TP53BP1: variants seen among roughly 807,000 people sequenced by gnomAD.
TP53BP1 encodes the protein tumor protein p53 binding protein 1.
Under a neutral mutation model 200.8 loss-of-function variants are expected in TP53BP1, and 61 were observed. The ratio of observed to expected loss-of-function variants is 0.30; its 90% confidence interval spans 0.25 to 0.38. The LOEUF is 0.38. Among genes scored for constraint, TP53BP1 ranks in the 10% least tolerant of loss-of-function variants. TP53BP1 has a pLI of 1.00. For synonymous variants in TP53BP1, 822 were observed against 844.3 expected (o/e 0.97, Z 0.46); for missense variants, 2,144 against 2,371.9 (o/e 0.90, Z 2.00).
intron 18 of TP53BP1, among the ~76,000 whole-genome samples, chr15:43,426,457 A>G (rs1208425299): frequency 6.6e-6 from 1 of 151,524 alleles, no homozygotes; most frequent in East Asian, 1.9e-4. Flanking sequence ...AAAAAAAAAA[A>G]AAAGGAATAA....
At chr15:43,438,255 T>A in intron 16 of TP53BP1, 69 bp downstream of exon 16, 3 of 1,370,010 alleles carry the variant, frequency 2.2e-6, no homozygotes, top group Non-Finnish European at 3.1e-6. Context: ...ACAGTACATA[T>A]TAGGATTTGG....
rs146896509 is a variant in TP53BP1 at position 43,492,361 on chromosome 15, C to T, written c.115G>A (p.Asp39Asn). The T allele has an allele frequency of 2.4e-5, 38 of 1,614,100 alleles. No homozygotes were observed. The East Asian group carries it at 8.2e-4, about 35-fold the overall frequency. ...DSQPESQVLEDDSGSHFSMLS... is the reference protein window; with the variant it reads ...DSQPESQVLENDSGSHFSMLS... ...ATACTGAAGTGAGAACCAGAATCATCCTCTAGAACCTGGCTTTCAGGCTGA... is the reference window on the plus strand; with the variant it reads ...ATACTGAAGTGAGAACCAGAATCATTCTCTAGAACCTGGCTTTCAGGCTGA... Residue 39 changes from aspartate to asparagine, a missense_variant, in exon 2 of 28, where the codon GAT (aspartate) becomes AAT (asparagine). Coordinates refer to ENST00000382044, the MANE Select transcript of TP53BP1 (RefSeq NM_001141980.3).
chr15:43,496,453 C>G (rs943417375), upstream of TP53BP1, among the ~76,000 whole-genome samples: 1 of 152,096 alleles, frequency 6.6e-6, no homozygotes, highest in Non-Finnish European at 1.5e-5. Flanking sequence ...ACTTCTTAAG[C>G]AAAAGAACCC....
rs909844846 is a variant in TP53BP1 at position 43,407,308 on chromosome 15, C to A, written c.*75G>T. The A allele has an allele frequency of 3.0e-6, 4 of 1,320,454 alleles. No homozygotes were observed. Among genetic ancestry groups the A allele is most frequent in the South Asian group, 2.6e-5 (2 of 76,668 alleles). The allele number at this position is 1,320,454 out of a possible 1,614,324, so 81.8% of individuals were successfully genotyped here. On this transcript the variant is annotated 3_prime_UTR_variant, in exon 28 of 28. Transcript: ENST00000382044. Reference sequence around the variant, plus strand: ...TCCATGCAAGGAATCCAGTTACACACAAGACACATTTAAAACCTGGTTAAA... The same window carrying A: ...TCCATGCAAGGAATCCAGTTACACAAAAGACACATTTAAAACCTGGTTAAA...
upstream of TP53BP1, chr15:43,493,197 C>A: frequency 6.8e-7 from 1 of 1,460,726 alleles, no homozygotes; most frequent in Admixed American, 2.3e-5. Context: ...ATCGTCCATT[C>A]GCTGCCGCCG....
At position 43,457,191 on chromosome 15, in the gene TP53BP1, C is replaced by G. The variant is rs1269831238; in HGVS notation, c.1417G>C (p.Glu473Gln). ...HDIFIPSPSL[E>Q]EQSNDGKKDG... ...TTCTTCCCATCATTTGATTGTTCTT[C>G]CAGACTTGGGGAAGGAATAAAAATG... The change falls in exon 12 of 28, where the codon GAA (glutamate) becomes CAA (glutamine). Residue 473 changes from glutamate to glutamine, a missense_variant. Physicochemically the swap from Glu to Gln is conservative, Grantham distance 29 (BLOSUM62 2). Coordinates refer to ENST00000382044, the MANE Select transcript of TP53BP1 (RefSeq NM_001141980.3). 1 of 1,610,898 alleles carries G rather than the reference C, an allele frequency of 6.2e-7. No individual in the cohort carries two copies. The highest frequency in any genetic ancestry group is 1.7e-5 in the Admixed American group (1 of 59,668).
At chr15:43,447,756 G>A (rs886789347) in intron 12 of TP53BP1, among the ~76,000 whole-genome samples, 14 of 152,040 alleles carry the variant, frequency 9.2e-5, no homozygotes, top group African/African-American at 3.1e-4. Flanking sequence ...CCCGAAGTCT[G>A]CAAGACCTGA....
chr15:43,409,916 A>C, intron 24 of TP53BP1, 175 bp from the exon 25 acceptor site: 1 of 387,320 alleles, frequency 2.6e-6, no homozygotes. Context: ...GGCCTTTAAA[A>C]TGCTGCCAAA....
chr15:43,444,003 G>A (rs1204291121), intron 14 of TP53BP1, among the ~76,000 whole-genome samples: 5 of 152,156 alleles, frequency 3.3e-5, no homozygotes, highest in African/African-American at 1.2e-4. Context: ...GCACTTAATA[G>A]TCCAACCTAG....
chr15:43,467,476 A>G (rs2046613284), intron 11 of TP53BP1, among the ~76,000 whole-genome samples: 1 of 152,166 alleles, frequency 6.6e-6, no homozygotes, highest in Non-Finnish European at 1.5e-5. Flanking sequence ...GGTTCCAAGA[A>G]TCTCTGAACT....
chr15:43,460,686 C>T (rs1318637623), intron 11 of TP53BP1, among the ~76,000 whole-genome samples: 1 of 152,064 alleles, frequency 6.6e-6, no homozygotes, highest in Non-Finnish European at 1.5e-5. Context: ...AACAATGATC[C>T]TAAGTTTGAA....
At chr15:43,500,591 G>C (rs1283017671) in intron 1 of TP53BP1, among the ~76,000 whole-genome samples, 4 of 151,804 alleles carry the variant, frequency 2.6e-5, no homozygotes, top group Non-Finnish European at 4.4e-5. Flanking sequence ...AGGCTGAGGT[G>C]GGTGGACCAC....
rs2045269160 is a variant in TP53BP1 at position 43,416,514 on chromosome 15, T to G, written c.4682-98A>C. On this transcript the variant is annotated intron_variant, in intron 21 of 27. Transcript: ENST00000382044. Reference sequence around the variant, plus strand: ...TAAAGCAGGCCTGAGTTAGGGAATTTAGAGATCCAACAGTGGACTGAAGTT... The same window carrying G: ...TAAAGCAGGCCTGAGTTAGGGAATTGAGAGATCCAACAGTGGACTGAAGTT... The G allele has an allele frequency of 2.4e-5, 28 of 1,189,878 alleles. 1 individual carries two copies. In the South Asian group the frequency reaches 4.2e-4, roughly 18 times the overall value. The allele number at this position is 1,189,878 out of a possible 1,614,324, so 73.7% of individuals were successfully genotyped here.
At chr15:43,450,934 G>C (rs1165777345) in intron 12 of TP53BP1, among the ~76,000 whole-genome samples, 2 of 152,128 alleles carry the variant, frequency 1.3e-5, no homozygotes, top group Admixed American at 1.3e-4. Flanking sequence ...AAGTGCAGTG[G>C]TGCAATCTCA....
At chr15:43,467,805 A>G (rs901848204) in intron 11 of TP53BP1, among the ~76,000 whole-genome samples, 5 of 149,998 alleles carry the variant, frequency 3.3e-5, no homozygotes, top group African/African-American at 1.2e-4. Flanking sequence ...TTTTTTTTTA[A>G]GACAGGGCCT....
chr15:43,408,870 A>G, intron 26 of TP53BP1, 27 bp downstream of exon 26: 1 of 1,612,190 alleles, frequency 6.2e-7, no homozygotes, highest in Non-Finnish European at 8.5e-7. Flanking sequence ...CTGCCTATAC[A>G]ATTCTGGATG....
intron 14 of TP53BP1, among the ~76,000 whole-genome samples, chr15:43,445,684 TTC>T (rs45618638): frequency 6.6e-6 from 1 of 152,112 alleles, no homozygotes; most frequent in South Asian, 2.1e-4. Flanking sequence ...TGAAGAGTCA[TTC>T]TCTCTTTTTT....
In TP53BP1 at chr15:43,412,812, CA is replaced by C. The variant is rs200678627; in HGVS notation, c.5305+306del. On this transcript the variant is annotated intron_variant, in intron 24 of 27. Coordinates refer to ENST00000382044, the MANE Select transcript of TP53BP1 (RefSeq NM_001141980.3). Reference sequence around the variant, plus strand: ...GTCACAGGTTTGTCATTATTGTGGACAAAAAAAACACAATTATTTAACCTTT... The same window carrying C: ...GTCACAGGTTTGTCATTATTGTGGACAAAAAAACACAATTATTTAACCTTT... The C allele has an allele frequency of 3.5e-5, 17 of 488,066 alleles. No individual in the cohort carries two copies. In the Middle Eastern group the frequency reaches 1.3e-3, roughly 36 times the overall value. 30.2% of individuals were successfully genotyped at this position (488,066 alleles called of 1,614,324 possible).
At chr15:43,408,775 T>C (rs1214671133) in intron 26 of TP53BP1, 122 bp downstream of exon 26, 18 of 974,780 alleles carry the variant, frequency 1.8e-5, no homozygotes, top group Non-Finnish European at 2.8e-5. Flanking sequence ...TCAAACCCAC[T>C]CAAATTTATC....
Sources: gnomAD v4.1 joint callset for allele counts (sites outside exome capture counted in the v4.1 genomes callset) on GRCh38, gnomAD v4.1.1 for gene constraint, MANE v1.5 for transcripts, NCBI Gene and HGNC (gene_info 2026-07-23, HGNC 2026-07-21) for gene names.